The following GRM1 variants were observed in gnomAD, a reference collection of about 807,000 sequenced individuals.
The protein encoded by GRM1 is glutamate metabotropic receptor 1, also known as metabotropic glutamate receptor 1.
In GRM1, 33 loss-of-function variants were observed where a neutral mutation model predicts 90.9. The ratio of observed to expected loss-of-function variants is 0.36; its 90% confidence interval spans 0.28 to 0.49. The LOEUF (loss-of-function observed/expected upper bound fraction) is 0.49, where lower values mean the gene tolerates loss of function less well. Ranked by LOEUF, GRM1 falls within the 20% of genes least tolerant of loss-of-function variation. GRM1 has a pLI of 0.99. For synonymous variants in GRM1, 700 were observed against 613.2 expected (o/e 1.14, Z -2.09); for missense variants, 1,190 against 1,534.3 (o/e 0.78, Z 3.75).
At chr6:146,219,593 T>C (rs1377215703) in intron 2 of GRM1, among the ~76,000 whole-genome samples, 2 of 152,084 alleles carry the variant, frequency 1.3e-5, no homozygotes, top group Non-Finnish European at 2.9e-5. Context: ...ATGTAAGACA[T>C]AGTGAAGATT....
chr6:146,264,870 T>TCTTTTTTATG (rs1781823384), intron 2 of GRM1, among the ~76,000 whole-genome samples: 2 of 152,220 alleles, frequency 1.3e-5, no homozygotes, highest in South Asian at 4.1e-4. Flanking sequence ...ATGATTTTAT[T>TCTTTTTTATG]CTTTTTTATG....
At chr6:146,087,867 GT>G (rs1776597176) in intron 1 of GRM1, among the ~76,000 whole-genome samples, 1 of 152,084 alleles carries the variant, frequency 6.6e-6, no homozygotes, top group African/African-American at 2.4e-5. Context: ...GTTGTTACCA[GT>G]TTTTGGATAT....
At position 146,399,654 on chromosome 6, in the gene GRM1, T is replaced by C. The variant is rs1458111954; in HGVS notation, c.2615T>C (p.Phe872Ser). The change falls in exon 7 of 8, where the codon TTC becomes TCC. Residue 872 changes from phenylalanine to serine, a missense_variant. Coordinates refer to ENST00000282753, the MANE Select transcript of GRM1 (RefSeq NM_001278064.2). This position sits in a 1 kb window ranked among gnomAD's most constrained non-coding sequence, Gnocchi z 5.4. ...AAGCTGCCCTGCCGCTCCAACACTT[T>C]CCTCAACATCTTCCGAAGAAAGAAG... is the stretch of plus-strand genomic sequence containing the variant. Reference protein sequence around the residue: ...DGKLPCRSNTFLNIFRRKKAG... With the variant: ...DGKLPCRSNTSLNIFRRKKAG... 3 of 1,613,986 alleles carry C rather than the reference T, an allele frequency of 1.9e-6. No individual in the cohort carries two copies. The highest frequency in any genetic ancestry group is 2.5e-6 in the Non-Finnish European group (3 of 1,179,984).
At chr6:146,350,780 C>T (rs897646653) in intron 3 of GRM1, among the ~76,000 whole-genome samples, 1 of 152,208 alleles carries the variant, frequency 6.6e-6, no homozygotes, top group Admixed American at 6.5e-5. Flanking sequence ...AAATGCCCTT[C>T]CTCTATCTTA....
At chr6:146,128,508 T>G (rs1776279282) in intron 1 of GRM1, among the ~76,000 whole-genome samples, 1 of 151,828 alleles carries the variant, frequency 6.6e-6, no homozygotes, top group Non-Finnish European at 1.5e-5. Flanking sequence ...AGGTGTGGAG[T>G]TGAGATTTGA....
chr6:146,194,609 A>T (rs1779053765), intron 2 of GRM1, among the ~76,000 whole-genome samples: 1 of 152,196 alleles, frequency 6.6e-6, no homozygotes, highest in African/African-American at 2.4e-5. Context: ...CAACACATGC[A>T]CTAACATTCC....
chr6:146,388,881 G>C (rs1329801491), intron 6 of GRM1, among the ~76,000 whole-genome samples: 1 of 151,972 alleles, frequency 6.6e-6, no homozygotes, highest in East Asian at 1.9e-4. Context: ...ACTCACCCAG[G>C]GTCATCGAGG....
chr6:146,121,751 T>C (rs1348300872), intron 1 of GRM1, among the ~76,000 whole-genome samples: 1 of 152,172 alleles, frequency 6.6e-6, no homozygotes, highest in Non-Finnish European at 1.5e-5. Context: ...CAGTTTTGAG[T>C]TTCTTAATCC....
chr6:146,231,383 A>T (rs1209270446), intron 2 of GRM1, among the ~76,000 whole-genome samples: 1 of 152,148 alleles, frequency 6.6e-6, no homozygotes. Flanking sequence ...TTCCACAGCA[A>T]TGCCAAGTCA....
At chr6:146,109,503 T>A (rs1775465845) in intron 1 of GRM1, among the ~76,000 whole-genome samples, 3 of 152,180 alleles carry the variant, frequency 2.0e-5, no homozygotes, top group Non-Finnish European at 2.9e-5. Context: ...AATGCCTGGA[T>A]GAACAGGCAG....
intron 2 of GRM1, among the ~76,000 whole-genome samples, chr6:146,268,417 T>C (rs1457660973): frequency 6.6e-6 from 1 of 152,208 alleles, no homozygotes; most frequent in Non-Finnish European, 1.5e-5. Context: ...GCAATATTGC[T>C]CTATCTATAC....
At chr6:146,383,564 A>G (rs1415062559) in intron 5 of GRM1, among the ~76,000 whole-genome samples, 1 of 152,090 alleles carries the variant, frequency 6.6e-6, no homozygotes, top group Non-Finnish European at 1.5e-5. Flanking sequence ...TTCAGAAAAG[A>G]CTTAATTGAC....
intron 5 of GRM1, among the ~76,000 whole-genome samples, chr6:146,380,127 C>G (rs1231013049): frequency 6.6e-6 from 1 of 152,064 alleles, no homozygotes; most frequent in Non-Finnish European, 1.5e-5. Flanking sequence ...CCTGTCTGCT[C>G]AAGGCCCTGG....
At chr6:146,083,063 T>C (rs948670161) in intron 1 of GRM1, among the ~76,000 whole-genome samples, 1 of 152,178 alleles carries the variant, frequency 6.6e-6, no homozygotes, top group Admixed American at 6.5e-5. Context: ...ATACAAATGC[T>C]TGTGGTTTTT....
intron 2 of GRM1, among the ~76,000 whole-genome samples, chr6:146,285,215 C>A (rs1190180944): frequency 6.6e-6 from 1 of 152,172 alleles, no homozygotes; most frequent in Admixed American, 6.5e-5. Flanking sequence ...CATTTCAGGC[C>A]AAACTCTTGA....
At chr6:146,373,080 T>C (rs1775962129) in intron 5 of GRM1, among the ~76,000 whole-genome samples, 1 of 152,114 alleles carries the variant, frequency 6.6e-6, no homozygotes, top group Non-Finnish European at 1.5e-5. Flanking sequence ...ACGATATTGG[T>C]TTATTCTAAT....
chr6:146,064,669 T>TG (rs1455780672), intron 1 of GRM1, among the ~76,000 whole-genome samples: 2 of 151,704 alleles, frequency 1.3e-5, no homozygotes, highest in African/African-American at 4.8e-5. Context: ...CTTTTTTTTT[T>TG]TCCCCCAGCT....
At chr6:146,200,452 A>C (rs1779263557) in intron 2 of GRM1, among the ~76,000 whole-genome samples, 1 of 152,026 alleles carries the variant, frequency 6.6e-6, no homozygotes, top group Non-Finnish European at 1.5e-5. Flanking sequence ...ATTCCCCCAT[A>C]CATTTTTCCT....
At chr6:146,229,777 T>C (rs1014024775) in intron 2 of GRM1, among the ~76,000 whole-genome samples, 2 of 152,154 alleles carry the variant, frequency 1.3e-5, no homozygotes, top group Non-Finnish European at 2.9e-5. Context: ...TAAAAATAAC[T>C]ATCATGTACT....
Sources: gnomAD v4.1 joint callset for allele counts (sites outside exome capture counted in the v4.1 genomes callset) on GRCh38, gnomAD v4.1.1 for gene constraint, Gnocchi (gnomAD v3.1) non-coding constraint, MANE v1.5 for transcripts, NCBI Gene and HGNC (gene_info 2026-07-23, HGNC 2026-07-21) for gene names.